Variants in WDFY3 observed in about 807,000 individuals in gnomAD.
WDFY3 encodes the protein WD repeat and FYVE domain containing 3, also known as WD repeat and FYVE domain-containing protein 3.
Under a neutral mutation model 409.6 loss-of-function variants are expected in WDFY3, and 66 were observed. That is an observed-to-expected ratio of 0.16 (90% CI 0.13 to 0.20). The LOEUF (loss-of-function observed/expected upper bound fraction) is 0.20, where lower values mean the gene tolerates loss of function less well. Ranked by LOEUF, WDFY3 falls within the 10% of genes least tolerant of loss-of-function variation. The probability of loss-of-function intolerance (pLI) is 1.00; values close to 1 mark genes in which losing one functional copy is unlikely to be tolerated. For synonymous variants in WDFY3, 1,521 were observed against 1,537.1 expected (o/e 0.99, Z 0.25); for missense variants, 3,031 against 4,298.1 (o/e 0.71, Z 8.24).
intron 1 of WDFY3, among the ~76,000 whole-genome samples, chr4:84,951,871 G>C (rs1189555517): frequency 6.6e-6 from 1 of 152,134 alleles, no homozygotes; most frequent in Non-Finnish European, 1.5e-5. Context: ...GGAATATGAG[G>C]AGACTTTTAA....
chr4:84,922,460 CTT>C (rs1410345822), intron 2 of WDFY3, among the ~76,000 whole-genome samples: 1 of 152,080 alleles, frequency 6.6e-6, no homozygotes, highest in Admixed American at 6.5e-5. Context: ...GTTCTTTAAA[CTT>C]TAATTTATTA....
At chr4:84,784,891 T>TACACACACAC (rs1215135327) in intron 24 of WDFY3, among the ~76,000 whole-genome samples, 18 of 36,920 alleles carry the variant, frequency 4.9e-4, no homozygotes, top group African/African-American at 1.4e-3. Flanking sequence ...TATATATATA[T>TACACACACAC]ACACACACAC....
At position 84,736,433 on chromosome 4, in the gene WDFY3, G is replaced by A. The variant is rs1737443538; in HGVS notation, c.6758-106C>T. The A allele has an allele frequency of 1.3e-5, 14 of 1,056,564 alleles. No individual in the cohort carries two copies. In the South Asian group the frequency reaches 3.7e-4, roughly 28 times the overall value. The allele number at this position is 1,056,564 out of a possible 1,614,324, so 65.4% of individuals were successfully genotyped here. On this transcript the variant is annotated intron_variant, in intron 41 of 67. Transcript: ENST00000295888. ...AACTACAACCCTGTAGTTAACAAAA[G>A]TAGCACATATTACAGATGCAGATAT...
intron 18 of WDFY3, among the ~76,000 whole-genome samples, chr4:84,797,389 G>A (rs1749643711): frequency 6.6e-6 from 1 of 152,038 alleles, no homozygotes; most frequent in Admixed American, 6.6e-5. Context: ...CATTACAAAT[G>A]TAATGAAGAA....
Position 84,778,602 on chromosome 4 carries a change from G to A in WDFY3, c.4419C>T (p.Leu1473=). The change falls in exon 27 of 68, where the codon CTC becomes CTT. Residue 1473 remains leucine, a synonymous_variant. Transcript: ENST00000295888. ...KKRSLLNSHI[L]HLTFSLVGTV... The stretch of plus-strand genomic sequence containing the variant: ...TTCCCACCAAAGAAAAAGTTAGATG[G>A]AGGATGTGGCTGTTAAGAAGGGAAC... 6.2e-7 allele frequency: 1 copy of A among 1,612,818 alleles called. No individual in the cohort carries two copies. Among genetic ancestry groups the A allele is most frequent in the Non-Finnish European group, 8.5e-7 (1 of 1,179,640 alleles).
rs767375022 is a variant in WDFY3, at chr4:84,772,854, A to G, written c.4830T>C (p.Asn1610=). 2 of 1,611,354 alleles carry G rather than the reference A, an allele frequency of 1.2e-6. No individual in the cohort carries two copies. The highest frequency in any genetic ancestry group is 2.2e-5 in the East Asian group (1 of 44,680). Residue 1610 remains asparagine (N), a synonymous_variant, in exon 30 of 68, where the codon AAT becomes AAC. Coordinates refer to ENST00000295888, the MANE Select transcript of WDFY3 (RefSeq NM_014991.6). ...ACTTACCAGTGTCAAGCTTCTCTTCATTATTTATTTCCATTACTACAAATT... is the reference window on the plus strand; with the variant it reads ...ACTTACCAGTGTCAAGCTTCTCTTCGTTATTTATTTCCATTACTACAAATT... ...CEKFVVMEIN[N]EEKLDTGTEE... is the part of the protein sequence containing the mutation.
chr4:84,677,317 C>A lies in WDFY3; in HGVS notation c.10339G>T (p.Ala3447Ser). Residue 3447 changes from alanine (A) to serine (S), a missense_variant, in exon 67 of 68, where the codon GCT (alanine) becomes TCT (serine). Ala to Ser is a moderately conservative substitution (Grantham distance 99). Coordinates refer to ENST00000295888, the MANE Select transcript of WDFY3 (RefSeq NM_014991.6). ...WSVSDQPGRS[A>S]ADHWVKDEGG... ...TCATCCTTCACCCAGTGATCAGCAG[C>A]AGAACGGCCTGGCTGGTCACTCACA... 6.2e-7 allele frequency: 1 copy of A among 1,614,198 alleles called. No individual in the cohort carries two copies. The highest frequency in any genetic ancestry group is 8.5e-7 in the Non-Finnish European group (1 of 1,180,034).
intron 18 of WDFY3, 80 bp from the exon 19 acceptor site, chr4:84,796,832 A>AC: frequency 3.4e-6 from 4 of 1,180,178 alleles, no homozygotes; most frequent in Non-Finnish European, 4.9e-6. Flanking sequence ...ATTTGTAAAT[A>AC]CCACTTCAGT....
intron 24 of WDFY3, among the ~76,000 whole-genome samples, chr4:84,785,563 G>A (rs1186264982): frequency 6.6e-6 from 1 of 152,030 alleles, no homozygotes; most frequent in Non-Finnish European, 1.5e-5. Context: ...ATTATCATCT[G>A]TCTTTTCCAC....
chr4:84,890,259 C>T (rs1174812614), intron 3 of WDFY3, among the ~76,000 whole-genome samples: 1 of 152,080 alleles, frequency 6.6e-6, no homozygotes, highest in Non-Finnish European at 1.5e-5. Flanking sequence ...ATCAACATGC[C>T]CAGCTAATTT....
chr4:84,908,777 TC>T (rs1337414020), intron 2 of WDFY3, among the ~76,000 whole-genome samples: 6 of 152,172 alleles, frequency 3.9e-5, no homozygotes, highest in African/African-American at 1.4e-4. Flanking sequence ...CAACACATTG[TC>T]CTTATCTAGC....
chr4:84,678,136 G>C, intron 66 of WDFY3, 32 bp downstream of exon 66: 2 of 1,557,034 alleles, frequency 1.3e-6, no homozygotes, highest in Non-Finnish European at 1.8e-6. Context: ...GACTCAGATG[G>C]GAAGCGGAGC....
chr4:84,692,703 A>AG (rs765626397), intron 59 of WDFY3, among the ~76,000 whole-genome samples, 182 bp downstream of exon 59: 15 of 152,180 alleles, frequency 9.9e-5, no homozygotes, highest in Non-Finnish European at 1.9e-4. Context: ...AAGAAAACAG[A>AG]GAAAAAAAAG....
chr4:84,888,505 GAATAA>G (rs533629887), intron 3 of WDFY3, among the ~76,000 whole-genome samples: 2 of 152,116 alleles, frequency 1.3e-5, no homozygotes, highest in Admixed American at 1.3e-4. Context: ...ATTCTTCTGT[GAATAA>G]AATAATATAC....
chr4:84,758,162 A>C (rs1173553823), intron 32 of WDFY3, among the ~76,000 whole-genome samples: 1 of 152,234 alleles, frequency 6.6e-6, no homozygotes, highest in African/African-American at 2.4e-5. Context: ...TCAAATTTTC[A>C]ATGGAAACTT....
chr4:84,687,725 A>G (rs757028744), intron 62 of WDFY3: 1 of 160,976 alleles, frequency 6.2e-6, no homozygotes, highest in Non-Finnish European at 1.4e-5. Context: ...TTATTTTTTT[A>G]AGAGACAGTG....
intron 1 of WDFY3, among the ~76,000 whole-genome samples, chr4:84,934,589 A>C (rs1771177327): frequency 6.6e-6 from 1 of 152,150 alleles, no homozygotes; most frequent in African/African-American, 2.4e-5. Flanking sequence ...GTGGCAGTAG[A>C]GAGTAGGCAG....
chr4:84,787,420 T>C (rs941482791), intron 23 of WDFY3, 62 bp downstream of exon 23: 1 of 1,478,808 alleles, frequency 6.8e-7, no homozygotes, highest in Non-Finnish European at 9.3e-7. Context: ...GACACACACA[T>C]GCATCTATAT....
chr4:84,855,029 A>C (rs532733328), intron 4 of WDFY3, among the ~76,000 whole-genome samples: 1 of 152,236 alleles, frequency 6.6e-6, no homozygotes, highest in Non-Finnish European at 1.5e-5. Context: ...AATTCATAAC[A>C]GATTAAAAAA....
Sources: allele counts gnomAD v4.1 joint callset (sites outside exome capture counted in the v4.1 genomes callset), GRCh38; gene constraint gnomAD v4.1.1; transcripts MANE v1.5; gene names NCBI Gene and HGNC (gene_info 2026-07-23, HGNC 2026-07-21).